Variants in KDM4C observed in about 807,000 individuals in gnomAD.
KDM4C encodes the protein lysine demethylase 4C.
KDM4C carries 81 observed loss-of-function variants against 129.3 expected under a neutral mutation model. That is an observed-to-expected ratio of 0.63 (90% CI 0.52 to 0.75). The LOEUF is 0.75. Among genes scored for constraint, KDM4C ranks in the 30% least tolerant of loss-of-function variants. The probability of loss-of-function intolerance (pLI) is 0.00; values close to 1 mark genes in which losing one functional copy is unlikely to be tolerated. For synonymous variants in KDM4C, 573 were observed against 456.1 expected (o/e 1.26, Z -3.26); for missense variants, 1,457 against 1,304.0 (o/e 1.12, Z -1.81).
At chr9:7,085,565 C>G (rs946529838) in intron 17 of KDM4C, among the ~76,000 whole-genome samples, 1 of 152,144 alleles carries the variant, frequency 6.6e-6, no homozygotes, top group Non-Finnish European at 1.5e-5. Flanking sequence ...TTTAATTTTG[C>G]TTGAGGATGG....
At chr9:7,032,880 T>G (rs924904679) in intron 15 of KDM4C, among the ~76,000 whole-genome samples, 1 of 152,246 alleles carries the variant, frequency 6.6e-6, no homozygotes, top group Non-Finnish European at 1.5e-5. Flanking sequence ...CTACTTAACG[T>G]AGAATAATTA....
chr9:6,806,871 CGT>C (rs1491274968), intron 3 of KDM4C, among the ~76,000 whole-genome samples: 1 of 139,270 alleles, frequency 7.2e-6, no homozygotes, highest in African/African-American at 2.9e-5. Context: ...TCTCCCTCTC[CGT>C]CTCCGTCTCC....
chr9:7,092,624 G>C (rs576714129), intron 17 of KDM4C, among the ~76,000 whole-genome samples: 2 of 152,266 alleles, frequency 1.3e-5, no homozygotes, highest in Admixed American at 1.3e-4. Context: ...AGCTTGCTGG[G>C]CACTTCTTCT....
At chr9:6,747,814 G>C (rs1051423356) in intron 1 of KDM4C, among the ~76,000 whole-genome samples, 1 of 152,194 alleles carries the variant, frequency 6.6e-6, no homozygotes, top group Non-Finnish European at 1.5e-5. Flanking sequence ...TAGAGGGAGT[G>C]CCCTGGAATG....
intron 18 of KDM4C, among the ~76,000 whole-genome samples, chr9:7,107,015 A>G (rs1421405684): frequency 2.0e-5 from 3 of 152,134 alleles, no homozygotes; most frequent in Admixed American, 1.3e-4. Flanking sequence ...GATCCCTGTT[A>G]TTTCAACCTA....
intron 8 of KDM4C, chr9:6,948,187 C>CT (rs1275616070): frequency 2.6e-5 from 4 of 152,184 alleles, no homozygotes; most frequent in Non-Finnish European, 5.9e-5. Flanking sequence ...TGAAGCATTA[C>CT]TAACTGCATT....
intron 19 of KDM4C, among the ~76,000 whole-genome samples, chr9:7,157,831 C>G (rs981914000): frequency 2.0e-5 from 3 of 152,114 alleles, no homozygotes; most frequent in African/African-American, 7.2e-5. Flanking sequence ...TTTGTTGTGT[C>G]TCTGCCAGGC....
At chr9:6,749,283 T>A (rs1315905139) in intron 1 of KDM4C, among the ~76,000 whole-genome samples, 1 of 152,142 alleles carries the variant, frequency 6.6e-6, no homozygotes. Context: ...CCTCCCAAAG[T>A]GCTGGGATTG....
At chr9:6,951,204 A>C (rs1254644151) in intron 8 of KDM4C, among the ~76,000 whole-genome samples, 1 of 151,972 alleles carries the variant, frequency 6.6e-6, no homozygotes, top group African/African-American at 2.4e-5. Context: ...TTTCTTAGCT[A>C]TTTGAAATTA....
intron 8 of KDM4C, among the ~76,000 whole-genome samples, chr9:6,950,651 C>G (rs1455818610): frequency 6.6e-6 from 1 of 152,210 alleles, no homozygotes; most frequent in Non-Finnish European, 1.5e-5. Flanking sequence ...TCAAAACTAG[C>G]TCTTCTAGCT....
chr9:7,032,668 C>T (rs538586383), intron 15 of KDM4C, among the ~76,000 whole-genome samples: 20 of 152,280 alleles, frequency 1.3e-4, no homozygotes, highest in African/African-American at 4.8e-4. Context: ...ATTCCTTTGC[C>T]CAGGATCACT....
At chr9:6,974,995 C>G (rs1832693830) in intron 8 of KDM4C, 1 of 152,160 alleles carries the variant, frequency 6.6e-6, no homozygotes, top group Admixed American at 6.5e-5. Context: ...CTTTTGGAGA[C>G]CCCGGAGCAA....
intron 8 of KDM4C, among the ~76,000 whole-genome samples, chr9:6,923,605 T>A (rs147794713): frequency 2.6e-5 from 4 of 152,212 alleles, no homozygotes; most frequent in African/African-American, 9.6e-5. Context: ...AGACAGAACA[T>A]AGAATACCCA....
intron 18 of KDM4C, among the ~76,000 whole-genome samples, chr9:7,122,265 ACTCT>A (rs1554751922): frequency 1.4e-5 from 2 of 144,712 alleles, no homozygotes; most frequent in East Asian, 2.1e-4. Flanking sequence ...ACACACACAC[ACTCT>A]CTCTCTCTCT....
chr9:7,123,343 C>G (rs1047593010), intron 18 of KDM4C, among the ~76,000 whole-genome samples: 1 of 152,162 alleles, frequency 6.6e-6, no homozygotes, highest in Non-Finnish European at 1.5e-5. Flanking sequence ...TCTTTATTCC[C>G]TTCCGCTACC....
chr9:6,761,763 C>T (rs1462368020), intron 1 of KDM4C, among the ~76,000 whole-genome samples: 1 of 152,070 alleles, frequency 6.6e-6, no homozygotes, highest in Non-Finnish European at 1.5e-5. Context: ...ATGTGTGTTC[C>T]CTTTTGTTAA....
intron 4 of KDM4C, among the ~76,000 whole-genome samples, chr9:6,820,397 G>A (rs556305235): frequency 1.3e-5 from 2 of 152,088 alleles, no homozygotes; most frequent in African/African-American, 4.8e-5. Flanking sequence ...GGAGGGTGAG[G>A]AAAAACTCGA....
intron 12 of KDM4C, among the ~76,000 whole-genome samples, chr9:6,997,256 A>C (rs1256451773): frequency 3.3e-5 from 5 of 152,236 alleles, no homozygotes; most frequent in African/African-American, 1.2e-4. Context: ...GAAATTTTCC[A>C]GGACCAGAAT....
chr9:6,824,837 T>C (rs1390537533), intron 4 of KDM4C, among the ~76,000 whole-genome samples: 1 of 152,002 alleles, frequency 6.6e-6, no homozygotes, highest in Non-Finnish European at 1.5e-5. Flanking sequence ...TCAAATCTCT[T>C]ATGTCTAGCT....
Sources: allele counts gnomAD v4.1 joint callset (sites outside exome capture counted in the v4.1 genomes callset), GRCh38; gene constraint gnomAD v4.1.1; transcripts MANE v1.5; gene names NCBI Gene and HGNC (gene_info 2026-07-23, HGNC 2026-07-21).